Variants in CCDC102B observed in about 807,000 individuals in gnomAD.
The protein encoded by CCDC102B is coiled-coil domain-containing protein 102B.
In CCDC102B, 75 loss-of-function variants were observed where a neutral mutation model predicts 57.4. The ratio of observed to expected loss-of-function variants is 1.31; its 90% CI spans 1.08 to 1.58. The LOEUF (loss-of-function observed/expected upper bound fraction) is 1.58. Among genes scored for constraint, CCDC102B ranks in the 40% most tolerant of loss-of-function variants. The pLI, the probability that CCDC102B is intolerant of heterozygous loss-of-function variation, is 0.00. For synonymous variants in CCDC102B, 206 were observed against 201.9 expected, an observed-to-expected ratio of 1.02 and a Z score of -0.17; for missense variants, 636 against 582.6, an observed-to-expected ratio of 1.09 and a Z score of -0.94.
intron 2 of CCDC102B, among the ~76,000 whole-genome samples, chr18:68,725,793 T>G (rs1440696395): frequency 6.6e-6 from 1 of 152,160 alleles, no homozygotes; most frequent in African/African-American, 2.4e-5. Flanking sequence ...ACTGGATTAG[T>G]TTTTGATTGA....
At chr18:69,008,789 A>G (rs1282150803) in intron 6 of CCDC102B, among the ~76,000 whole-genome samples, 4 of 152,214 alleles carry the variant, frequency 2.6e-5, no homozygotes, top group African/African-American at 9.6e-5. Context: ...TGTCAGATCA[A>G]AAGTCGCTTT....
At chr18:68,880,181 G>A (rs1259398069) in intron 5 of CCDC102B, among the ~76,000 whole-genome samples, 8 of 152,176 alleles carry the variant, frequency 5.3e-5, no homozygotes, top group East Asian at 1.9e-4. Flanking sequence ...CGAGCGCAGC[G>A]CCGGTGGGCT....
rs144260270 is a variant in CCDC102B, at chr18:68,764,940, T to A, written c.-67+48346T>A. Among the ~76,000 whole-genome samples, 83 of 151,418 alleles carry A rather than the reference T, an allele frequency of 5.5e-4. No individual in the cohort carries two copies. The East Asian group carries it at 0.016, about 29-fold the overall frequency. ...CACGGATCTGTAGTCCCAGCTACCT[T>A]GGAGGCTGAGGTAGGAGGATCACCT... On this transcript the variant is annotated intron_variant, in intron 2 of 3. Transcript: ENST00000578970.
Position 68,836,812 on chromosome 18 carries a change from C to T in CCDC102B, c.49C>T (p.Gln17Ter), listed in dbSNP as rs1317937837. Residue 17 changes from glutamine to a stop codon, truncating the protein, a stop_gained, in exon 2 of 8, where the codon CAG becomes TAG. Coordinates refer to ENST00000360242, the MANE Select transcript of CCDC102B (RefSeq NM_024781.3). LOFTEE classifies it high-confidence loss of function. ...ATTAATTGAGGAAACACAGATCTTC[C>T]AGATGCAACAATCATCAATTAAGTC... is the stretch of plus-strand genomic sequence containing the variant. Reference protein sequence around the residue: ...HRLIEETQIFQMQQSSIKSRG... With the variant: ...HRLIEETQIF 1.9e-6 allele frequency: 3 copies of T among 1,613,712 alleles called. No homozygotes were observed. Among genetic ancestry groups the T allele is most frequent in the Non-Finnish European group, 1.7e-6 (2 of 1,179,784 alleles).
At chr18:69,011,345 C>T in intron 7 of CCDC102B, 1 of 441,614 alleles carries the variant, frequency 2.3e-6, no homozygotes. Context: ...TCAGCATGAC[C>T]TTGTGTGCAC....
chr18:68,890,686 G>A (rs1832042913), intron 5 of CCDC102B, among the ~76,000 whole-genome samples: 1 of 152,178 alleles, frequency 6.6e-6, no homozygotes, highest in East Asian at 1.9e-4. Context: ...GTCAGTTCTA[G>A]AACTTTATAG....
At chr18:68,873,494 T>C (rs1456546371) in intron 4 of CCDC102B, among the ~76,000 whole-genome samples, 1 of 152,114 alleles carries the variant, frequency 6.6e-6, no homozygotes, top group Admixed American at 6.5e-5. Context: ...TGGCAAGAAC[T>C]TTCTTAAAAT....
chr18:68,872,852 T>G (rs1295398281), intron 4 of CCDC102B, among the ~76,000 whole-genome samples: 5 of 152,160 alleles, frequency 3.3e-5, no homozygotes, highest in Admixed American at 3.3e-4. Flanking sequence ...ATGAATGATA[T>G]GGATTTATTT....
intron 6 of CCDC102B, among the ~76,000 whole-genome samples, chr18:68,921,504 C>T (rs770894521): frequency 8.5e-5 from 13 of 152,228 alleles, no homozygotes; most frequent in East Asian, 1.9e-4. Flanking sequence ...CAGTTAACAT[C>T]GCATATATAG....
chr18:68,941,380 G>C (rs1384580979), intron 6 of CCDC102B, among the ~76,000 whole-genome samples: 1 of 151,980 alleles, frequency 6.6e-6, no homozygotes, highest in African/African-American at 2.4e-5. Flanking sequence ...TTAAGGATCT[G>C]AGGCAACACT....
intron 6 of CCDC102B, among the ~76,000 whole-genome samples, chr18:68,900,911 C>G (rs35035711): frequency 1.3e-5 from 2 of 152,086 alleles, no homozygotes; most frequent in Non-Finnish European, 2.9e-5. Flanking sequence ...GATGCAAGAC[C>G]GGCTCTTCCA....
At chr18:68,979,584 G>A (rs2050524846) in intron 6 of CCDC102B, among the ~76,000 whole-genome samples, 1 of 151,998 alleles carries the variant, frequency 6.6e-6, no homozygotes, top group Non-Finnish European at 1.5e-5. Flanking sequence ...ATGATTGAAT[G>A]CAGAAAAACA....
At chr18:68,903,876 G>C (rs2051296) in intron 6 of CCDC102B, among the ~76,000 whole-genome samples, 137,299 of 152,214 alleles carry the variant, frequency 0.9, 62,009 homozygotes, top group Admixed American at 0.92. Flanking sequence ...AGTGGAAAGT[G>C]CATTAAAGTT....
chr18:68,761,302 T>C (rs758522179), intron 2 of CCDC102B, among the ~76,000 whole-genome samples: 1 of 152,104 alleles, frequency 6.6e-6, no homozygotes, highest in East Asian at 1.9e-4. Context: ...AAAAAGTCTT[T>C]ATGTAGTACT....
At chr18:68,943,481 T>C (rs1599728723) in intron 6 of CCDC102B, among the ~76,000 whole-genome samples, 1 of 152,310 alleles carries the variant, frequency 6.6e-6, no homozygotes, top group Admixed American at 6.5e-5. Context: ...GTTATGGCTA[T>C]TGTAAATAAA....
chr18:68,870,768 A>T (rs183985415), intron 4 of CCDC102B, among the ~76,000 whole-genome samples: 5 of 152,302 alleles, frequency 3.3e-5, no homozygotes, highest in Admixed American at 1.3e-4. Context: ...ATTGACTTCA[A>T]TATTTGGTGC....
chr18:68,960,926 T>G (rs1464184977), intron 6 of CCDC102B, among the ~76,000 whole-genome samples: 1 of 152,188 alleles, frequency 6.6e-6, no homozygotes, highest in Non-Finnish European at 1.5e-5. Flanking sequence ...TCAGTGCCTC[T>G]TTCCTTAATA....
At chr18:68,823,262 G>A (rs2036767976) in intron 1 of CCDC102B, 1 of 152,260 alleles carries the variant, frequency 6.6e-6, no homozygotes, top group Non-Finnish European at 1.5e-5. Flanking sequence ...GGGCTCTTGA[G>A]CCGCTTGCTC....
chr18:68,805,714 A>G (rs900269893), intron 1 of CCDC102B, among the ~76,000 whole-genome samples: 1 of 152,190 alleles, frequency 6.6e-6, no homozygotes, highest in African/African-American at 2.4e-5. Flanking sequence ...GTGCATAACC[A>G]GCCAGTGAGT....
Sources: allele counts gnomAD v4.1 joint callset (sites outside exome capture counted in the v4.1 genomes callset), GRCh38; gene constraint gnomAD v4.1.1; transcripts MANE v1.5; gene names NCBI Gene and HGNC (gene_info 2026-07-23, HGNC 2026-07-21).